Variants in SORCS3 observed in about 807,000 individuals in gnomAD.
SORCS3 encodes VPS10 domain-containing receptor SorCS3.
SORCS3 carries 57 observed loss-of-function variants against 146.3 expected under a neutral mutation model. That is an observed-to-expected ratio of 0.39 (90% CI 0.31 to 0.49). SORCS3 has a LOEUF of 0.49. SORCS3 is among the 20% of genes least tolerant of loss of function. The probability of loss-of-function intolerance (pLI) is 0.92; values close to 1 mark genes in which losing one functional copy is unlikely to be tolerated. For synonymous variants in SORCS3, 653 were observed against 618.5 expected (o/e 1.06, Z -0.83); for missense variants, 1,341 against 1,575.5 (o/e 0.85, Z 2.52).
intron 25 of SORCS3, among the ~76,000 whole-genome samples, chr10:105,261,481 C>A (rs1314425191): frequency 6.6e-6 from 1 of 152,180 alleles, no homozygotes; most frequent in East Asian, 1.9e-4. Flanking sequence ...TCCAGACTTA[C>A]AGAGCCACAA....
rs115908571 is a variant in SORCS3, at chr10:104,757,318, C to A, written c.628-85474C>A. On this transcript the variant is annotated intron_variant, in intron 1 of 26. Coordinates refer to ENST00000369701, the MANE Select transcript of SORCS3 (RefSeq NM_014978.3). The stretch of plus-strand genomic sequence containing the variant: ...CTTCTGCTGGTCCGGTCAGCAATTA[C>A]CCAGTTATTAAAACTAAATAATTGC... 7.8e-3 allele frequency among the ~76,000 whole-genome samples: 1,184 copies of A among 152,242 alleles called. 15 individuals are homozygous for A. Among genetic ancestry groups the A allele is most frequent in the African/African-American group, 0.027 (1,128 of 41,528 alleles).
chr10:104,849,027 A>G (rs955127931), intron 2 of SORCS3, among the ~76,000 whole-genome samples: 1 of 152,240 alleles, frequency 6.6e-6, no homozygotes, highest in African/African-American at 2.4e-5. Flanking sequence ...CTAGGAATGA[A>G]TCGGAGAAGA....
At chr10:105,145,643 G>A (rs957367027) in intron 8 of SORCS3, among the ~76,000 whole-genome samples, 5 of 151,926 alleles carry the variant, frequency 3.3e-5, no homozygotes, top group Admixed American at 1.3e-4. Flanking sequence ...TGGGTTCTTC[G>A]GCATTCATTC....
At chr10:104,905,303 T>C (rs1241585324) in intron 2 of SORCS3, among the ~76,000 whole-genome samples, 6 of 152,288 alleles carry the variant, frequency 3.9e-5, no homozygotes, top group African/African-American at 1.4e-4. Context: ...AGGAGAGCTG[T>C]AATTCACTCC....
rs373559462 is a variant in SORCS3 at position 104,936,413 on chromosome 10, A to T, written c.795+20481A>T. 1.1e-3 allele frequency among the ~76,000 whole-genome samples: 175 copies of T among 152,302 alleles called. 1 individual carries two copies. The South Asian group carries it at 0.02, about 17-fold the overall frequency. On this transcript the variant is annotated intron_variant, in intron 3 of 26. Transcript: ENST00000369701. The stretch of plus-strand genomic sequence containing the variant: ...CCCAAATTAGTGTTTGGATGTTGGG[A>T]TAAGAAAAGAAAATTTTAAGGTGGG...
At chr10:105,205,722 A>C (rs2056598532) in intron 16 of SORCS3, among the ~76,000 whole-genome samples, 1 of 152,052 alleles carries the variant, frequency 6.6e-6, no homozygotes, top group African/African-American at 2.4e-5. Context: ...CTAACTTCTC[A>C]CTCGACAAAA....
chr10:105,187,559 T>G (rs1318017274), intron 14 of SORCS3, among the ~76,000 whole-genome samples: 1 of 152,194 alleles, frequency 6.6e-6, no homozygotes, highest in African/African-American at 2.4e-5. Flanking sequence ...CTTTCTACTT[T>G]GATTTGAAAT....
rs1159374839 is a variant in SORCS3 at position 104,991,503 on chromosome 10, C to CT, written c.954+14026dup. Among the ~76,000 whole-genome samples the CT allele has an allele frequency of 8.5e-3, 1,190 of 139,188 alleles. 8 individuals are homozygous for CT. Among genetic ancestry groups the CT allele is most frequent in the South Asian group, 0.031 (134 of 4,356 alleles). 91.3% of individuals were successfully genotyped at this position (139,188 alleles called of 152,430 possible). On this transcript the variant is annotated intron_variant, in intron 4 of 26. Coordinates refer to ENST00000369701, the MANE Select transcript of SORCS3 (RefSeq NM_014978.3). ...TCTATGTCCTGATTTCCTCTTCTTC[C>CT]TTTTTTTTTTTTTTTTGAGACAGAG...
chr10:104,769,887 C>G (rs1253793053), intron 1 of SORCS3, among the ~76,000 whole-genome samples: 1 of 152,110 alleles, frequency 6.6e-6, no homozygotes, highest in African/African-American at 2.4e-5. Flanking sequence ...ACACTTTTGT[C>G]AGATGACTTT....
chr10:105,111,309 A>G (rs1359246611), intron 7 of SORCS3, among the ~76,000 whole-genome samples: 2 of 152,034 alleles, frequency 1.3e-5, no homozygotes, highest in African/African-American at 2.4e-5. Context: ...GTTCTTACCC[A>G]TTTGCATTAT....
chr10:105,135,650 G>A (rs752838702), intron 7 of SORCS3, among the ~76,000 whole-genome samples: 1 of 152,082 alleles, frequency 6.6e-6, no homozygotes, highest in African/African-American at 2.4e-5. Flanking sequence ...GTCAAAAAAA[G>A]CCATGCAGCA....
intron 20 of SORCS3, among the ~76,000 whole-genome samples, chr10:105,225,297 T>C (rs1589696955): frequency 6.6e-6 from 1 of 152,212 alleles, no homozygotes; most frequent in East Asian, 1.9e-4. Flanking sequence ...TTTTTTGGCA[T>C]GTGGATATCC....
intron 5 of SORCS3, among the ~76,000 whole-genome samples, chr10:105,060,418 T>G (rs1189345050): frequency 2.0e-5 from 3 of 152,274 alleles, no homozygotes; most frequent in Admixed American, 2.0e-4. Context: ...GCTAAAGATT[T>G]TGCAGTTAAT....
chr10:104,738,278 AT>A (rs982150814), intron 1 of SORCS3, among the ~76,000 whole-genome samples: 1 of 151,922 alleles, frequency 6.6e-6, no homozygotes, highest in African/African-American at 2.4e-5. Context: ...CTTTAAAGTA[AT>A]TTTTTTCCCT....
intron 25 of SORCS3, among the ~76,000 whole-genome samples, chr10:105,257,919 G>A (rs1564797691): frequency 2.0e-5 from 3 of 152,084 alleles, no homozygotes. Context: ...TGGGAAGCCT[G>A]GGTAAAGTAA....
At chr10:105,220,412 G>C (rs186795990) in intron 19 of SORCS3, among the ~76,000 whole-genome samples, 57 of 152,240 alleles carry the variant, frequency 3.7e-4, no homozygotes, top group African/African-American at 1.4e-3. Context: ...GGTATCAGAG[G>C]ATCTGACACT....
At chr10:104,762,047 G>C (rs748539539) in intron 1 of SORCS3, among the ~76,000 whole-genome samples, 1 of 152,180 alleles carries the variant, frequency 6.6e-6, no homozygotes, top group Non-Finnish European at 1.5e-5. Context: ...CTTCTCTTAA[G>C]CACGTGCAGT....
At chr10:105,221,251 A>C (rs2056700697) in intron 19 of SORCS3, among the ~76,000 whole-genome samples, 2 of 152,108 alleles carry the variant, frequency 1.3e-5, no homozygotes, top group African/African-American at 2.4e-5. Flanking sequence ...TCCCCACCCA[A>C]ATAGCAGTCA....
At chr10:104,906,665 C>G (rs2018907981) in intron 2 of SORCS3, among the ~76,000 whole-genome samples, 1 of 152,150 alleles carries the variant, frequency 6.6e-6, no homozygotes, top group Non-Finnish European at 1.5e-5. Flanking sequence ...ATCTCCTTGA[C>G]TCTGAAATGA....
Sources: gnomAD v4.1 joint callset for allele counts (sites outside exome capture counted in the v4.1 genomes callset) on GRCh38, gnomAD v4.1.1 for gene constraint, MANE v1.5 for transcripts, NCBI Gene and HGNC (gene_info 2026-07-23, HGNC 2026-07-21) for gene names.